TBC1D4: variants seen among roughly 807,000 people sequenced by gnomAD.
TBC1D4 encodes the protein TBC (Tre-2, BUB2, CDC16) domain-containing protein.
Under a neutral mutation model 142.5 loss-of-function variants are expected in TBC1D4, and 121 were observed. That is an observed-to-expected ratio of 0.85 (90% CI 0.73 to 0.99). The LOEUF is 0.99. Ranked by LOEUF, TBC1D4 falls within the 50% of genes least tolerant of loss-of-function variation. The pLI is 0.00. For missense variants in TBC1D4, 1,475 were observed against 1,606.6 expected, an observed-to-expected ratio of 0.92 and a Z score of 1.40; for synonymous variants, 630 against 628.2, an observed-to-expected ratio of 1.00 and a Z score of -0.04.
At chr13:75,429,077 C>A (rs1401632692) in intron 1 of TBC1D4, among the ~76,000 whole-genome samples, 1 of 152,200 alleles carries the variant, frequency 6.6e-6, no homozygotes, top group East Asian at 1.9e-4. Context: ...CAAGTGGTGG[C>A]AATCCTAGTT....
intron 13 of TBC1D4, 34 bp from the exon 14 acceptor site, chr13:75,310,185 A>G (rs1489812040): frequency 2.5e-6 from 4 of 1,597,388 alleles, no homozygotes; most frequent in Non-Finnish European, 3.4e-6. Context: ...GGCATTCCTT[A>G]GCAGTAACCC....
At chr13:75,460,484 A>G (rs528198712) in intron 1 of TBC1D4, among the ~76,000 whole-genome samples, 28 of 152,252 alleles carry the variant, frequency 1.8e-4, no homozygotes, top group African/African-American at 6.7e-4. Context: ...AGAGATGTGG[A>G]AGGCCAGGTG....
chr13:75,421,266 G>A (rs1385444482), intron 1 of TBC1D4, among the ~76,000 whole-genome samples: 2 of 152,076 alleles, frequency 1.3e-5, no homozygotes, highest in Non-Finnish European at 2.9e-5. Flanking sequence ...CTTTGGCCAC[G>A]TACAATCTCT....
chr13:75,299,469 C>T lies in TBC1D4; in HGVS notation c.3017G>A (p.Gly1006Glu). Reference sequence around the variant, plus strand: ...CACAAAGCTGATCCCCTGACAGTATCCCACTTCTTTGTCCAGCAAAGAATA... The same window carrying T: ...CACAAAGCTGATCCCCTGACAGTATTCCACTTCTTTGTCCAGCAAAGAATA... Reference protein sequence around the residue: ...KAYSLLDKEVGYCQGISFVAG... With the variant: ...KAYSLLDKEVEYCQGISFVAG... The change falls in exon 17 of 21, where the codon GGA becomes GAA. Residue 1006 changes from glycine to glutamate, a missense_variant. Physicochemically the swap from Gly to Glu is moderately conservative, Grantham distance 98 (BLOSUM62 -2). This residue lies in a region of TBC1D4 where 1,227 missense variants were observed against 1,267.7 expected (regional missense o/e 0.97). Transcript: ENST00000377636. 2 of 1,614,142 alleles carry T rather than the reference C, an allele frequency of 1.2e-6. No individual in the cohort carries two copies. The highest frequency in any genetic ancestry group is 1.7e-6 in the Non-Finnish European group (2 of 1,180,026).
At position 75,289,034 on chromosome 13, in the gene TBC1D4, T is replaced by A; in HGVS notation, c.3563A>T (p.Glu1188Val). The A allele has an allele frequency of 6.2e-7, 1 of 1,613,972 alleles. No homozygotes were observed. Among genetic ancestry groups the A allele is most frequent in the Non-Finnish European group, 8.5e-7 (1 of 1,179,910 alleles). The change falls in exon 20 of 21, where the codon GAA (glutamate) becomes GTA (valine). Residue 1188 changes from glutamate to valine, a missense_variant. Glu to Val is a moderately radical substitution (Grantham distance 121, BLOSUM62 -2). Transcript: ENST00000377636. ...EYHVLQDELQ[E>V]SSYSCEDSET... ...ACTATCCTCACAGGAATATGAAGAT[T>A]CCTGAAGCTCATCCTGTAGCACATG...
At chr13:75,320,734 G>A (rs1878680798) in intron 11 of TBC1D4, among the ~76,000 whole-genome samples, 1 of 151,872 alleles carries the variant, frequency 6.6e-6, no homozygotes, top group African/African-American at 2.4e-5. Context: ...TTTTAAAAAA[G>A]TAATAGTAGG....
intron 1 of TBC1D4, among the ~76,000 whole-genome samples, chr13:75,366,571 C>A (rs560733921): frequency 5.3e-5 from 8 of 152,066 alleles, no homozygotes; most frequent in Non-Finnish European, 8.8e-5. Context: ...TTAGAAAAAG[C>A]ACAGTGCCAC....
intron 1 of TBC1D4, among the ~76,000 whole-genome samples, chr13:75,419,257 G>A (rs1247080882): frequency 6.6e-6 from 1 of 152,208 alleles, no homozygotes; most frequent in Non-Finnish European, 1.5e-5. Context: ...TCTAAGAGGT[G>A]TCTTTAAGCA....
At chr13:75,380,874 T>G (rs928134893) in intron 1 of TBC1D4, among the ~76,000 whole-genome samples, 1 of 152,098 alleles carries the variant, frequency 6.6e-6, no homozygotes, top group Non-Finnish European at 1.5e-5. Context: ...CCCCCTACCT[T>G]TTTTTAACTC....
At chr13:75,340,351 T>C (rs1447327850) in intron 7 of TBC1D4, among the ~76,000 whole-genome samples, 1 of 152,238 alleles carries the variant, frequency 6.6e-6, no homozygotes, top group Non-Finnish European at 1.5e-5. Context: ...TTCTTCTATA[T>C]GCAGCAGAGG....
chr13:75,343,041 T>C (rs546372148), intron 5 of TBC1D4, among the ~76,000 whole-genome samples: 1 of 152,324 alleles, frequency 6.6e-6, no homozygotes, highest in South Asian at 2.1e-4. Flanking sequence ...TACTTATAAT[T>C]TGTTCCGCTA....
chr13:75,332,821 T>C (rs1164300590), intron 8 of TBC1D4, among the ~76,000 whole-genome samples: 5 of 152,192 alleles, frequency 3.3e-5, no homozygotes, highest in Non-Finnish European at 7.3e-5. Flanking sequence ...AGGATCTCTA[T>C]CATTAAGAGA....
chr13:75,480,873 G>GCACACACA (rs71657792), intron 1 of TBC1D4, among the ~76,000 whole-genome samples: 17 of 98,886 alleles, frequency 1.7e-4, no homozygotes, highest in African/African-American at 5.3e-4. Context: ...GCGCGCACAC[G>GCACACACA]CACGCACACA....
At chr13:75,413,355 T>A (rs1207853049) in intron 1 of TBC1D4, among the ~76,000 whole-genome samples, 1 of 152,046 alleles carries the variant, frequency 6.6e-6, no homozygotes, top group Non-Finnish European at 1.5e-5. Flanking sequence ...AAAGACAGGG[T>A]TTCACCATGT....
At chr13:75,333,961 T>C (rs1879977805) in intron 8 of TBC1D4, among the ~76,000 whole-genome samples, 1 of 152,224 alleles carries the variant, frequency 6.6e-6, no homozygotes, top group South Asian at 2.1e-4. Context: ...GAAGCAGTTC[T>C]GTTTCTTCAT....
chr13:75,481,520 A>C lies in TBC1D4; in HGVS notation c.248T>G (p.Ile83Ser), dbSNP rs772891312. The C allele has an allele frequency of 6.2e-7, 1 of 1,610,118 alleles. No homozygotes were observed. The highest frequency in any genetic ancestry group is 8.5e-7 in the Non-Finnish European group (1 of 1,178,270). ...CAGGAAGGGCGCGCTGAGCACCAGG[A>C]TCACCTCTCGGGCCGCCGGCGCCCC... ...GCGAPAAREV[I>S]LVLSAPFLRC... Residue 83 changes from isoleucine (I) to serine (S), a missense_variant, in exon 1 of 21, where the codon ATC (isoleucine) becomes AGC (serine). Transcript: ENST00000377636.
rs778659370 is a variant in TBC1D4 at position 75,326,382 on chromosome 13, C to A, written c.1848G>T (p.Ala616=). The change falls in exon 10 of 21, where the codon GCG becomes GCT. Residue 616 remains alanine, a synonymous_variant. Coordinates refer to ENST00000377636, the MANE Select transcript of TBC1D4 (RefSeq NM_014832.5). The part of the protein sequence containing the change: ...PGDSPPGTPP[A]SPPSSAWQTF... ...TTTGCCAAGCTGAGGACGGTGGGGA[C>A]GCTGGCGGTGTCCCTGGTGGAGAAT... 6.2e-7 allele frequency: 1 copy of A among 1,614,068 alleles called. No individual in the cohort carries two copies. Among genetic ancestry groups the A allele is most frequent in the South Asian group, 1.1e-5 (1 of 91,072 alleles).
At chr13:75,417,633 G>A (rs768652658) in intron 1 of TBC1D4, among the ~76,000 whole-genome samples, 5 of 152,184 alleles carry the variant, frequency 3.3e-5, no homozygotes, top group East Asian at 1.9e-4. Context: ...GGAGGGGCAC[G>A]CATGAAAGGA....
At position 75,404,067 on chromosome 13, in the gene TBC1D4, C is replaced by CAT. The variant is rs1566464639; in HGVS notation, c.499-41461_499-41460insAT. The stretch of plus-strand genomic sequence containing the variant: ...TGTAGGGGGGATATATATACATACA[C>CAT]ACACACACACACACACACACATCTC... On this transcript the variant is annotated intron_variant, in intron 1 of 20. Transcript: ENST00000377636. Among the ~76,000 whole-genome samples the CAT allele has an allele frequency of 1.8e-3, 223 of 123,282 alleles. 2 individuals carry two copies. Among genetic ancestry groups the CAT allele is most frequent in the African/African-American group, 8.6e-3 (210 of 24,490 alleles). 80.9% of individuals were successfully genotyped at this position (123,282 alleles called of 152,430 possible).
Sources: allele counts gnomAD v4.1 joint callset (sites outside exome capture counted in the v4.1 genomes callset), GRCh38; gene constraint gnomAD v4.1.1; regional missense constraint gnomAD v4.1.1; transcripts MANE v1.5; gene names NCBI Gene and HGNC (gene_info 2026-07-23, HGNC 2026-07-21).